The following OSBPL6 variants were observed in gnomAD, a reference collection of about 807,000 sequenced individuals.
OSBPL6 encodes oxysterol binding protein like 6, also known as oxysterol-binding protein-related protein 6.
OSBPL6 carries 49 observed loss-of-function variants against 125.8 expected under a neutral mutation model. The ratio of observed to expected loss-of-function variants is 0.39; its 90% CI spans 0.31 to 0.49. The LOEUF (loss-of-function observed/expected upper bound fraction) is 0.49. OSBPL6 is among the 20% of genes least tolerant of loss of function. The probability of loss-of-function intolerance (pLI) is 0.88; values close to 1 mark genes in which losing one functional copy is unlikely to be tolerated. For missense variants in OSBPL6, 986 were observed against 1,135.4 expected (o/e 0.87, Z 1.89); for synonymous variants, 394 against 391.8 (o/e 1.01, Z -0.07).
chr2:178,333,005 C>G lies in OSBPL6; in HGVS notation c.621C>G (p.Ser207=), dbSNP rs1217005323. The G allele has an allele frequency of 2.5e-6, 4 of 1,614,000 alleles. No homozygotes were observed. In the African/African-American group the frequency reaches 5.3e-5, roughly 22 times the overall value. Residue 207 remains serine, a synonymous_variant, in exon 8 of 25, where the codon TCC becomes TCG. Transcript: ENST00000190611. The part of the protein sequence containing the change: ...HIFPSTSTAE[S]SPAANVSVMD... ...TTCCTTCAACGTCCACAGCTGAATCCTCACCAGCTGCTAATGTTTCTGTAA... is the reference window on the plus strand; with the variant it reads ...TTCCTTCAACGTCCACAGCTGAATCGTCACCAGCTGCTAATGTTTCTGTAA...
At chr2:178,395,048 C>T (rs898481995) in intron 24 of OSBPL6, among the ~76,000 whole-genome samples, 2 of 152,136 alleles carry the variant, frequency 1.3e-5, no homozygotes, top group African/African-American at 4.8e-5. Flanking sequence ...CTAAAATGTG[C>T]TCCTTGGACA....
chr2:178,254,966 G>A (rs1292740685), intron 1 of OSBPL6, among the ~76,000 whole-genome samples: 1 of 152,192 alleles, frequency 6.6e-6, no homozygotes, highest in African/African-American at 2.4e-5. Context: ...CATGGCGGAA[G>A]GTGATTGAGC....
At chr2:178,269,045 A>C (rs775762474) in intron 1 of OSBPL6, among the ~76,000 whole-genome samples, 1 of 152,214 alleles carries the variant, frequency 6.6e-6, no homozygotes, top group African/African-American at 2.4e-5. Context: ...ATTGCTTTGC[A>C]TAGCTCTTGT....
intron 2 of OSBPL6, among the ~76,000 whole-genome samples, chr2:178,289,625 A>C (rs951426193): frequency 1.3e-5 from 2 of 152,198 alleles, no homozygotes; most frequent in African/African-American, 2.4e-5. Context: ...TGATTGTCTC[A>C]AAATTCTCTT....
intron 13 of OSBPL6, 116 bp from the exon 14 acceptor site, chr2:178,372,010 A>C (rs1693435066): frequency 1.4e-6 from 1 of 692,456 alleles, no homozygotes; most frequent in South Asian, 2.4e-5. Context: ...GATGGCTTCA[A>C]AAGTTAGAGC....
intron 9 of OSBPL6, among the ~76,000 whole-genome samples, chr2:178,338,159 C>T (rs1317560213): frequency 6.6e-6 from 1 of 152,100 alleles, no homozygotes; most frequent in Non-Finnish European, 1.5e-5. Context: ...TCTTGAACTC[C>T]TGACCTCAGG....
At chr2:178,203,450 G>A (rs939502590) in intron 1 of OSBPL6, among the ~76,000 whole-genome samples, 2 of 152,116 alleles carry the variant, frequency 1.3e-5, no homozygotes, top group Admixed American at 1.3e-4. Flanking sequence ...GTGTTATTTG[G>A]GTCTTTAAAA....
At chr2:178,256,264 T>G (rs1220498406) in intron 1 of OSBPL6, among the ~76,000 whole-genome samples, 2 of 152,212 alleles carry the variant, frequency 1.3e-5, no homozygotes, top group African/African-American at 4.8e-5. Flanking sequence ...GGAATATAAC[T>G]TAGGACATAG....
At chr2:178,367,508 C>T (rs1301633815) in intron 13 of OSBPL6, among the ~76,000 whole-genome samples, 5 of 152,134 alleles carry the variant, frequency 3.3e-5, no homozygotes, top group Non-Finnish European at 5.9e-5. Context: ...CTCCCAGAAC[C>T]CACATTTCCA....
intron 11 of OSBPL6, among the ~76,000 whole-genome samples, chr2:178,344,540 A>G (rs1367024870): frequency 6.6e-6 from 1 of 152,232 alleles, no homozygotes; most frequent in Non-Finnish European, 1.5e-5. Flanking sequence ...GAACACGGGT[A>G]TTCCTTTTTA....
chr2:178,248,651 GTTTC>G (rs2091578215), intron 1 of OSBPL6, among the ~76,000 whole-genome samples: 1 of 152,106 alleles, frequency 6.6e-6, no homozygotes, highest in Admixed American at 6.5e-5. Context: ...GGATGGAGAT[GTTTC>G]TATTGAGTCT....
At chr2:178,248,978 C>A (rs370594697) in intron 1 of OSBPL6, among the ~76,000 whole-genome samples, 1 of 151,876 alleles carries the variant, frequency 6.6e-6, no homozygotes, top group Non-Finnish European at 1.5e-5. Context: ...GCTCTGATGC[C>A]CAGGCTGGAG....
chr2:178,327,356 C>T (rs1011053949), intron 4 of OSBPL6, among the ~76,000 whole-genome samples: 5 of 151,918 alleles, frequency 3.3e-5, no homozygotes, highest in Non-Finnish European at 7.4e-5. Flanking sequence ...CCAAATCTAG[C>T]CAGAAATAAA....
rs766832239 is a variant in OSBPL6, at chr2:178,349,305, C to T, written c.1069C>T (p.Pro357Ser). The T allele has an allele frequency of 6.2e-7, 1 of 1,614,064 alleles. No homozygotes were observed. Among genetic ancestry groups the T allele is most frequent in the Non-Finnish European group, 8.5e-7 (1 of 1,179,916 alleles). ...TTGTGCAGATATTGAATTTCAGACTCCCCCTAGCCACCTCACTGACCCTCT... is the reference window on the plus strand; with the variant it reads ...TTGTGCAGATATTGAATTTCAGACTTCCCCTAGCCACCTCACTGACCCTCT... ...NLCADIEFQT[P>S]PSHLTDPLES... is the part of the protein sequence containing the mutation. Residue 357 changes from proline (P) to serine (S), a missense_variant, in exon 12 of 25, where the codon CCC becomes TCC. By Grantham distance (74) the Pro-to-Ser change is moderately conservative. Transcript: ENST00000190611.
At chr2:178,245,625 C>T (rs1465759624) in intron 1 of OSBPL6, among the ~76,000 whole-genome samples, 1 of 152,196 alleles carries the variant, frequency 6.6e-6, no homozygotes, top group Non-Finnish European at 1.5e-5. Context: ...CGTGGGATAA[C>T]TAGATACCAA....
chr2:178,277,167 G>A (rs1300543342), intron 1 of OSBPL6, among the ~76,000 whole-genome samples: 2 of 152,152 alleles, frequency 1.3e-5, no homozygotes, highest in Non-Finnish European at 2.9e-5. Context: ...TGTTTATAGT[G>A]TTTTAGAATT....
At chr2:178,296,569 AC>A (rs1458931577) in intron 2 of OSBPL6, among the ~76,000 whole-genome samples, 2 of 152,164 alleles carry the variant, frequency 1.3e-5, no homozygotes. Context: ...ACAAAACAAA[AC>A]AAAAAGCCCA....
chr2:178,264,631 C>T (rs926397662), intron 1 of OSBPL6, among the ~76,000 whole-genome samples: 1 of 152,176 alleles, frequency 6.6e-6, no homozygotes, highest in Non-Finnish European at 1.5e-5. Flanking sequence ...GCAATACTTC[C>T]TCTGTGTGTG....
intron 16 of OSBPL6, chr2:178,382,789 T>C (rs1389148445): frequency 2.1e-6 from 3 of 1,419,836 alleles, no homozygotes; most frequent in Non-Finnish European, 2.8e-6. Flanking sequence ...ACTTAGCCTG[T>C]CTTGTCTTGA....
Sources: gnomAD v4.1 joint callset for allele counts (sites outside exome capture counted in the v4.1 genomes callset) on GRCh38, gnomAD v4.1.1 for gene constraint, MANE v1.5 for transcripts, NCBI Gene and HGNC (gene_info 2026-07-23, HGNC 2026-07-21) for gene names.